ARHGAP42: variants seen among roughly 807,000 people sequenced by gnomAD.
ARHGAP42 encodes rho GTPase-activating protein 42.
ARHGAP42 carries 63 observed loss-of-function variants against 125.0 expected under a neutral mutation model. That is an observed-to-expected ratio of 0.50 (90% CI 0.41 to 0.62). The LOEUF is 0.62. ARHGAP42 is among the 20% of genes least tolerant of loss of function. ARHGAP42 has a pLI of 0.00. For synonymous variants in ARHGAP42, 339 were observed against 351.0 expected, an observed-to-expected ratio of 0.97 and a Z score of 0.38; for missense variants, 766 against 1,024.2, an observed-to-expected ratio of 0.75 and a Z score of 3.44.
intron 3 of ARHGAP42, among the ~76,000 whole-genome samples, chr11:100,845,277 C>T (rs919595629): frequency 6.6e-6 from 1 of 152,006 alleles, no homozygotes; most frequent in Non-Finnish European, 1.5e-5. Flanking sequence ...TATAATCTCA[C>T]TCATAATTGG....
chr11:100,764,448 A>G (rs966131712), intron 1 of ARHGAP42, among the ~76,000 whole-genome samples: 7 of 152,204 alleles, frequency 4.6e-5, no homozygotes, highest in Admixed American at 3.3e-4. Flanking sequence ...CAGGCAAGTT[A>G]TTACTTAACT....
chr11:100,806,375 G>A (rs1350630921), intron 3 of ARHGAP42, among the ~76,000 whole-genome samples: 1 of 152,070 alleles, frequency 6.6e-6, no homozygotes, highest in Non-Finnish European at 1.5e-5. Flanking sequence ...TTAATCTTAA[G>A]TTTCTGGCTT....
intron 1 of ARHGAP42, among the ~76,000 whole-genome samples, chr11:100,717,834 G>A (rs1315155391): frequency 2.0e-5 from 3 of 150,456 alleles, no homozygotes; most frequent in Non-Finnish European, 4.4e-5. Context: ...GCTGAGGCAG[G>A]AGAATGGCTT....
intron 7 of ARHGAP42, among the ~76,000 whole-genome samples, chr11:100,933,485 A>AT (rs1440158347): frequency 1.3e-5 from 2 of 152,168 alleles, no homozygotes; most frequent in African/African-American, 4.8e-5. Flanking sequence ...GTTCTTGTTA[A>AT]TTTACTGGGT....
At chr11:100,689,357 A>G (rs575620298) in intron 1 of ARHGAP42, among the ~76,000 whole-genome samples, 1 of 152,312 alleles carries the variant, frequency 6.6e-6, no homozygotes, top group South Asian at 2.1e-4. Context: ...GCCTCTTCAA[A>G]AAGAGCTGCA....
chr11:100,798,597 C>G (rs970451917), intron 3 of ARHGAP42, among the ~76,000 whole-genome samples: 7 of 152,208 alleles, frequency 4.6e-5, no homozygotes, highest in Non-Finnish European at 1.0e-4. Flanking sequence ...TACAATATTA[C>G]ATAAATATAA....
chr11:100,987,599 A>G lies in ARHGAP42; in HGVS notation c.2536+7A>G, dbSNP rs1483120984. ...GGAGCAATATTTTCTAATGGTAAGTATGTCAATTCCCTCTGCCTAAGTTTG... is the reference window on the plus strand; with the variant it reads ...GGAGCAATATTTTCTAATGGTAAGTGTGTCAATTCCCTCTGCCTAAGTTTG... On this transcript the variant is annotated splice_region_variant and intron_variant, in intron 23 of 23. Coordinates refer to ENST00000298815, the MANE Select transcript of ARHGAP42 (RefSeq NM_152432.4). 6.5e-7 allele frequency: 1 copy of G among 1,550,276 alleles called. No homozygotes were observed. The highest frequency in any genetic ancestry group is 8.7e-7 in the Non-Finnish European group (1 of 1,145,762).
intron 3 of ARHGAP42, among the ~76,000 whole-genome samples, chr11:100,825,219 G>A (rs1186478644): frequency 1.3e-5 from 2 of 152,036 alleles, no homozygotes; most frequent in African/African-American, 4.8e-5. Context: ...ATGCTTTCAG[G>A]CTTCAAATTA....
intron 17 of ARHGAP42, among the ~76,000 whole-genome samples, chr11:100,971,719 T>C (rs1035511325): frequency 6.6e-6 from 1 of 152,164 alleles, no homozygotes; most frequent in Non-Finnish European, 1.5e-5. Flanking sequence ...TTAGCAAGAG[T>C]GCCTAAAGCT....
chr11:100,717,001 C>A (rs540570033), intron 1 of ARHGAP42, among the ~76,000 whole-genome samples: 1 of 152,150 alleles, frequency 6.6e-6, no homozygotes, highest in South Asian at 2.1e-4. Context: ...ATTTCAACAG[C>A]TTAGACATCT....
At chr11:100,774,787 T>G (rs145812626) in intron 2 of ARHGAP42, among the ~76,000 whole-genome samples, 18 of 152,210 alleles carry the variant, frequency 1.2e-4, no homozygotes, top group African/African-American at 4.1e-4. Context: ...GTGTTTGATG[T>G]GTAGGCCCAT....
chr11:100,778,886 T>A (rs981731030), intron 2 of ARHGAP42, among the ~76,000 whole-genome samples: 2 of 152,206 alleles, frequency 1.3e-5, no homozygotes, highest in African/African-American at 4.8e-5. Context: ...CCTCATTCTT[T>A]TTTTGTGACT....
chr11:100,841,124 T>A (rs2135112159), intron 3 of ARHGAP42, among the ~76,000 whole-genome samples: 1 of 152,284 alleles, frequency 6.6e-6, no homozygotes, highest in Admixed American at 6.5e-5. Flanking sequence ...TATAATTAGA[T>A]GACATGAAAT....
chr11:100,780,971 G>A (rs2135010255), intron 2 of ARHGAP42, among the ~76,000 whole-genome samples: 1 of 152,282 alleles, frequency 6.6e-6, no homozygotes, highest in South Asian at 2.1e-4. Flanking sequence ...GGTGTTATGG[G>A]CACAGCTTGC....
intron 4 of ARHGAP42, among the ~76,000 whole-genome samples, chr11:100,880,324 G>A (rs1211450244): frequency 6.6e-6 from 1 of 152,088 alleles, no homozygotes; most frequent in Non-Finnish European, 1.5e-5. Flanking sequence ...TCATAGCTTA[G>A]CTCCCAATTA....
chr11:100,907,790 G>A (rs1289793171), intron 4 of ARHGAP42, among the ~76,000 whole-genome samples: 2 of 152,254 alleles, frequency 1.3e-5, no homozygotes, highest in East Asian at 1.9e-4. Flanking sequence ...GTCTAATTAG[G>A]GGTGGTAGTT....
intron 6 of ARHGAP42, among the ~76,000 whole-genome samples, chr11:100,930,817 A>G (rs1867558154): frequency 6.6e-6 from 1 of 152,228 alleles, no homozygotes; most frequent in Admixed American, 6.5e-5. Context: ...ATCTGCAAGC[A>G]TGAAGTGGCC....
At chr11:100,708,368 T>G (rs1363276869) in intron 1 of ARHGAP42, among the ~76,000 whole-genome samples, 1 of 152,042 alleles carries the variant, frequency 6.6e-6, no homozygotes, top group Non-Finnish European at 1.5e-5. Context: ...AATAAATTAG[T>G]TGTGCGTGGT....
chr11:100,703,013 A>G (rs764799664), intron 1 of ARHGAP42, among the ~76,000 whole-genome samples: 1 of 152,208 alleles, frequency 6.6e-6, no homozygotes, highest in Non-Finnish European at 1.5e-5. Context: ...ATGCTCAGTA[A>G]CTACTGAATA....
Sources: gnomAD v4.1 joint callset for allele counts (sites outside exome capture counted in the v4.1 genomes callset) on GRCh38, gnomAD v4.1.1 for gene constraint, MANE v1.5 for transcripts, NCBI Gene and HGNC (gene_info 2026-07-23, HGNC 2026-07-21) for gene names.